The following ADGRV1 variants were observed in gnomAD, a reference collection of about 807,000 sequenced individuals.
ADGRV1 encodes adhesion G protein-coupled receptor V1, also known as G-protein coupled receptor 98.
A neutral mutation model predicts 596.2 loss-of-function variants in ADGRV1; 359 were observed. The ratio of observed to expected loss-of-function variants is 0.60; its 90% CI spans 0.55 to 0.66. The LOEUF (loss-of-function observed/expected upper bound fraction) is 0.66, where lower values mean the gene tolerates loss of function less well. Among genes scored for constraint, ADGRV1 ranks in the 30% least tolerant of loss-of-function variants. The pLI is 0.00. For synonymous variants in ADGRV1, 2,681 were observed against 2,679.2 expected (o/e 1.00, Z -0.02); for missense variants, 7,274 against 7,575.6 (o/e 0.96, Z 1.48).
At chr5:90,702,048 G>A (rs1041361745) in intron 34 of ADGRV1, among the ~76,000 whole-genome samples, 1 of 151,564 alleles carries the variant, frequency 6.6e-6, no homozygotes, top group Admixed American at 6.6e-5. Context: ...AGACAACACT[G>A]TAGGTGAAAT....
chr5:90,685,795 G>T lies in ADGRV1; in HGVS notation c.6290G>T (p.Arg2097Leu), dbSNP rs572910896. Residue 2097 changes from arginine (R) to leucine (L), a missense_variant, in exon 29 of 90, where the codon CGT (arginine) becomes CTT (leucine). By Grantham distance (102) the Arg-to-Leu change is moderately radical. This residue lies in a region of ADGRV1 where 3,643 missense variants were observed against 3,809.2 expected (regional missense o/e 0.96). Transcript: ENST00000405460. ...VQSRSIPNSP[R>L]LGPKVETIAQ... ...TGTCTTTCAGTTCCAAATTCTCCACGTCTTGGGCCTAAGGTAGAAACTATT... is the reference window on the plus strand; with the variant it reads ...TGTCTTTCAGTTCCAAATTCTCCACTTCTTGGGCCTAAGGTAGAAACTATT... 2 of 1,607,812 alleles carry T rather than the reference G, an allele frequency of 1.2e-6. No individual in the cohort carries two copies. The highest frequency in any genetic ancestry group is 2.2e-5 in the East Asian group (1 of 44,790).
At chr5:90,587,355 A>C (rs748146432) in intron 1 of ADGRV1, among the ~76,000 whole-genome samples, 1 of 152,056 alleles carries the variant, frequency 6.6e-6, no homozygotes, top group Non-Finnish European at 1.5e-5. Flanking sequence ...TTAGAGGCAA[A>C]AGTCTGGGCC....
At chr5:90,953,258 C>T (rs185427768) in intron 83 of ADGRV1, among the ~76,000 whole-genome samples, 46 of 152,252 alleles carry the variant, frequency 3.0e-4, no homozygotes, top group Admixed American at 6.5e-4. Flanking sequence ...GCTGTCAGAC[C>T]TTTGTTACCT....
intron 59 of ADGRV1, 78 bp downstream of exon 59, chr5:90,763,547 AG>A (rs1756749581): frequency 7.0e-7 from 1 of 1,433,066 alleles, no homozygotes; most frequent in Non-Finnish European, 9.7e-7. Flanking sequence ...TTGTAAATTC[AG>A]GGAGCACATG....
intron 4 of ADGRV1, among the ~76,000 whole-genome samples, chr5:90,621,457 C>A (rs987935706): frequency 5.3e-5 from 8 of 152,172 alleles, no homozygotes; most frequent in African/African-American, 1.9e-4. Context: ...TCAACCATCT[C>A]TTTTATTTGA....
rs767271292 is a variant in ADGRV1 at position 90,629,280 on chromosome 5, A to G, written c.1580A>G (p.Lys527Arg). The change falls in exon 9 of 90, where the codon AAG becomes AGG. Residue 527 changes from lysine (K) to arginine (R), a missense_variant. Physicochemically the swap from Lys to Arg is conservative, Grantham distance 26 (BLOSUM62 2). This residue lies in a region of ADGRV1 where 1,715 missense variants were observed against 1,708.8 expected (regional missense o/e 1.00). Coordinates refer to ENST00000405460, the MANE Select transcript of ADGRV1 (RefSeq NM_032119.4). ...LITFFPMENQ[K>R]IESSPGERYL... ...ACATTTTTTCCTATGGAAAACCAGA[A>G]GATTGAAAGCAGCCCAGGTGAACGA... The G allele has an allele frequency of 1.9e-6, 3 of 1,612,736 alleles. No individual in the cohort carries two copies. The African/African-American group carries it at 4.0e-5, about 22-fold the overall frequency.
intron 83 of ADGRV1, among the ~76,000 whole-genome samples, chr5:90,881,788 G>A (rs934594185): frequency 6.6e-6 from 1 of 152,122 alleles, no homozygotes; most frequent in Non-Finnish European, 1.5e-5. Context: ...GCAGTGGTAT[G>A]ATCATAGATT....
At chr5:90,815,893 G>A (rs763665675) in intron 75 of ADGRV1, among the ~76,000 whole-genome samples, 157 bp downstream of exon 75, 1 of 152,092 alleles carries the variant, frequency 6.6e-6, no homozygotes, top group African/African-American at 2.4e-5. Context: ...TTGTGATTAT[G>A]GTACTTCGTT....
At chr5:90,753,964 T>G in intron 54 of ADGRV1, 135 bp downstream of exon 54, 1 of 787,134 alleles carries the variant, frequency 1.3e-6, no homozygotes. Context: ...CAATCCTTTT[T>G]GTTTATTGTT....
rs1765351633 is a variant in ADGRV1 at position 90,840,730 on chromosome 5, A to C, written c.16764A>C (p.Leu5588Phe). The change falls in exon 78 of 90, where the codon TTA becomes TTC. Residue 5588 changes from leucine (L) to phenylalanine (F), a missense_variant. Physicochemically the swap from Leu to Phe is conservative, Grantham distance 22. Coordinates refer to ENST00000405460, the MANE Select transcript of ADGRV1 (RefSeq NM_032119.4). Reference sequence around the variant, plus strand: ...TCCTAACGCCAGAGACAGGATCTTTAAATTCATTTCCTAAACGCTTCCAGA... The same window carrying C: ...TCCTAACGCCAGAGACAGGATCTTTCAATTCATTTCCTAAACGCTTCCAGA... Reference protein sequence around the residue: ...DVILTPETGSLNSFPKRFQIV... With the variant: ...DVILTPETGSFNSFPKRFQIV... 6.2e-7 allele frequency: 1 copy of C among 1,613,900 alleles called. No individual in the cohort carries two copies. Among genetic ancestry groups the C allele is most frequent in the Admixed American group, 1.7e-5 (1 of 60,004 alleles).
At chr5:91,028,539 G>A (rs763750522) in intron 85 of ADGRV1, among the ~76,000 whole-genome samples, 39 of 151,624 alleles carry the variant, frequency 2.6e-4, no homozygotes, top group Non-Finnish European at 4.7e-4. Context: ...CAGTAATGAC[G>A]CCCATTTACA....
chr5:91,044,573 C>T (rs1293906882), intron 85 of ADGRV1, among the ~76,000 whole-genome samples: 1 of 151,844 alleles, frequency 6.6e-6, no homozygotes, highest in Non-Finnish European at 1.5e-5. Flanking sequence ...GTAAAATAGC[C>T]AAAGGTTGTT....
At chr5:90,820,439 G>T (rs1763368788) in intron 75 of ADGRV1, among the ~76,000 whole-genome samples, 1 of 151,068 alleles carries the variant, frequency 6.6e-6, no homozygotes, top group African/African-American at 2.4e-5. Context: ...ATTGTTATGT[G>T]TGAATTTGAT....
In ADGRV1 at chr5:90,728,770, A is replaced by C. The variant is rs777915766; in HGVS notation, c.10263A>C (p.Leu3421Phe). 3.1e-6 allele frequency: 5 copies of C among 1,613,866 alleles called. No homozygotes were observed. The African/African-American group carries it at 6.7e-5, about 22-fold the overall frequency. ...ALFNKGGSVF[L>F]AISQANARLN... Reference sequence around the variant, plus strand: ...TCAACAAGGGAGGCTCTGTGTTCTTAGCCATTTCCCAGGCTAATGCCAGGC... The same window carrying C: ...TCAACAAGGGAGGCTCTGTGTTCTTCGCCATTTCCCAGGCTAATGCCAGGC... The change falls in exon 49 of 90, where the codon TTA (leucine) becomes TTC (phenylalanine). Residue 3421 changes from leucine to phenylalanine, a missense_variant. By Grantham distance (22) the Leu-to-Phe change is conservative (BLOSUM62 0). Coordinates refer to ENST00000405460, the MANE Select transcript of ADGRV1 (RefSeq NM_032119.4).
intron 36 of ADGRV1, among the ~76,000 whole-genome samples, chr5:90,705,000 G>A (rs1431840764): frequency 6.6e-6 from 1 of 151,864 alleles, no homozygotes; most frequent in Non-Finnish European, 1.5e-5. Flanking sequence ...AGTAGAGATG[G>A]GGTTTCACCA....
intron 83 of ADGRV1, among the ~76,000 whole-genome samples, chr5:90,947,786 G>A (rs907330858): frequency 2.0e-5 from 3 of 152,070 alleles, no homozygotes; most frequent in Non-Finnish European, 4.4e-5. Context: ...AGAGTGAAAC[G>A]AGAATCCACA....
intron 85 of ADGRV1, among the ~76,000 whole-genome samples, chr5:91,002,518 A>G (rs1416587894): frequency 6.6e-6 from 1 of 151,718 alleles, no homozygotes; most frequent in Non-Finnish European, 1.5e-5. Context: ...GACAACCTTT[A>G]TTTGGGCCTT....
Position 90,945,398 on chromosome 5 carries a change from AGG to A in ADGRV1, c.17857-20015_17857-20014del, listed in dbSNP as rs770390931. ...AGCTGTGGTTCAAGCAGGGCTTCAG[AGG>A]GTAGCAGGGCTCCTGGGCCTCTAAG... On this transcript the variant is annotated intron_variant, in intron 83 of 89. Coordinates refer to ENST00000405460, the MANE Select transcript of ADGRV1 (RefSeq NM_032119.4). 1.3e-4 allele frequency among the ~76,000 whole-genome samples: 20 copies of A among 152,286 alleles called. 1 individual carries two copies. The East Asian group carries it at 2.7e-3, about 21-fold the overall frequency.
intron 1 of ADGRV1, among the ~76,000 whole-genome samples, chr5:90,561,086 C>G (rs1271009697): frequency 6.6e-6 from 1 of 152,090 alleles, no homozygotes. Context: ...CTCTTAAGCC[C>G]TTTATTAGTA....
Sources: gnomAD v4.1 joint callset for allele counts (sites outside exome capture counted in the v4.1 genomes callset) on GRCh38, gnomAD v4.1.1 for gene constraint, gnomAD v4.1.1 regional missense constraint, MANE v1.5 for transcripts, NCBI Gene and HGNC (gene_info 2026-07-23, HGNC 2026-07-21) for gene names.